Variants in CCDC171 observed in about 807,000 individuals in gnomAD.
CCDC171 encodes the protein coiled-coil domain containing 171.
Under a neutral mutation model 168.2 loss-of-function variants are expected in CCDC171, and 177 were observed. The ratio of observed to expected loss-of-function variants is 1.05; its 90% CI spans 0.93 to 1.19. The LOEUF (loss-of-function observed/expected upper bound fraction) is 1.19. Ranked by LOEUF, CCDC171 falls within the 50% of genes most tolerant of loss-of-function variation. The pLI is 0.00. For synonymous variants in CCDC171, 687 were observed against 540.8 expected (o/e 1.27, Z -3.75); for missense variants, 1,991 against 1,539.0 (o/e 1.29, Z -4.91).
chr9:15,624,414 T>C (rs1291217551), intron 7 of CCDC171, among the ~76,000 whole-genome samples: 1 of 152,148 alleles, frequency 6.6e-6, no homozygotes, highest in African/African-American at 2.4e-5. Context: ...GCTGCACCCA[T>C]TAACTCATCA....
At chr9:15,604,587 T>C (rs1354822036) in intron 6 of CCDC171, among the ~76,000 whole-genome samples, 1 of 152,186 alleles carries the variant, frequency 6.6e-6, no homozygotes, top group Non-Finnish European at 1.5e-5. Context: ...TGGGGGAGTT[T>C]GTGACGGTAT....
the CCDC171 span, among the ~76,000 whole-genome samples, chr9:16,096,453 C>T: frequency 6.6e-6 from 1 of 152,174 alleles, no homozygotes; most frequent in African/African-American, 2.4e-5. Context: ...AGATGTGTGA[C>T]TGCTATGTTC....
intron 4 of CCDC171, among the ~76,000 whole-genome samples, chr9:15,585,730 C>A (rs367994636): frequency 6.6e-6 from 1 of 152,136 alleles, no homozygotes; most frequent in Non-Finnish European, 1.5e-5. Context: ...GTAATCCCAG[C>A]ACTTTGGGAG....
chr9:15,706,489 T>C (rs2052247148), intron 11 of CCDC171, among the ~76,000 whole-genome samples: 1 of 152,098 alleles, frequency 6.6e-6, no homozygotes, highest in African/African-American at 2.4e-5. Flanking sequence ...GATTTCACCA[T>C]GTTGCCCAGG....
At chr9:16,095,897 T>TAC in the CCDC171 span, among the ~76,000 whole-genome samples, 2 of 140,596 alleles carry the variant, frequency 1.4e-5, no homozygotes, top group African/African-American at 2.8e-5. Flanking sequence ...TATATATATA[T>TAC]ATACTGCCTC....
chr9:15,809,772 G>A (rs1477526615), intron 21 of CCDC171, among the ~76,000 whole-genome samples: 2 of 152,202 alleles, frequency 1.3e-5, no homozygotes, highest in African/African-American at 4.8e-5. Flanking sequence ...ATTGCAAAGA[G>A]CGAAAGAACA....
chr9:15,924,396 A>G (rs1009671013), intron 25 of CCDC171, among the ~76,000 whole-genome samples: 1 of 150,866 alleles, frequency 6.6e-6, no homozygotes, highest in Non-Finnish European at 1.5e-5. Flanking sequence ...TGGGCAGTCT[A>G]GTGAGAAGTG....
At chr9:15,864,429 A>G (rs1012823360) in intron 23 of CCDC171, among the ~76,000 whole-genome samples, 1 of 152,020 alleles carries the variant, frequency 6.6e-6, no homozygotes, top group Non-Finnish European at 1.5e-5. Flanking sequence ...CATTTACATT[A>G]GGTATATCTC....
At chr9:15,619,295 C>G (rs2044330588) in intron 6 of CCDC171, among the ~76,000 whole-genome samples, 1 of 152,164 alleles carries the variant, frequency 6.6e-6, no homozygotes, top group Non-Finnish European at 1.5e-5. Context: ...AGGCCAAACG[C>G]TATGTCTTTA....
intron 18 of CCDC171, among the ~76,000 whole-genome samples, chr9:15,774,168 C>T (rs2057168443): frequency 7.0e-6 from 1 of 143,784 alleles, no homozygotes; most frequent in South Asian, 2.2e-4. Flanking sequence ...ATCACTTGAA[C>T]CCAGGTGGCA....
chr9:15,723,756 AG>A lies in CCDC171; in HGVS notation c.1491+11del. The A allele has an allele frequency of 2.2e-6, 3 of 1,338,238 alleles. No individual in the cohort carries two copies. Among genetic ancestry groups the A allele is most frequent in the Non-Finnish European group, 3.2e-6 (3 of 951,022 alleles). 82.9% of individuals were successfully genotyped at this position (1,338,238 alleles called of 1,614,324 possible). ...CACTAAAAATATAAAGGTATTATTT[AG>A]AATAACTTTTACCTTTTGTATTAAG... is the stretch of plus-strand genomic sequence containing the variant. On this transcript the variant is annotated intron_variant, in intron 13 of 25. Transcript: ENST00000380701.
intron 10 of CCDC171, among the ~76,000 whole-genome samples, chr9:15,686,931 C>G (rs956721119): frequency 5.9e-5 from 9 of 152,112 alleles, no homozygotes; most frequent in African/African-American, 2.2e-4. Flanking sequence ...TATAGAACAC[C>G]ACACCCATTA....
At chr9:16,024,959 A>G (rs1350210575) in intron 6 of CCDC171, among the ~76,000 whole-genome samples, 2 of 152,180 alleles carry the variant, frequency 1.3e-5, no homozygotes, top group Non-Finnish European at 2.9e-5. Context: ...ATTCCCAGAC[A>G]TGGGACTTTC....
chr9:15,810,179 C>G (rs1427756262), intron 21 of CCDC171, among the ~76,000 whole-genome samples: 1 of 152,104 alleles, frequency 6.6e-6, no homozygotes, highest in Non-Finnish European at 1.5e-5. Flanking sequence ...CAAAGTTCTC[C>G]AAGTCCCCAC....
chr9:16,100,346 A>G, the CCDC171 span, among the ~76,000 whole-genome samples: 2 of 152,188 alleles, frequency 1.3e-5, no homozygotes, highest in Non-Finnish European at 1.5e-5. Flanking sequence ...GCATAAGCCT[A>G]TCTCCAGCCG....
chr9:15,908,900 G>T (rs1481509883), intron 24 of CCDC171, among the ~76,000 whole-genome samples: 1 of 152,132 alleles, frequency 6.6e-6, no homozygotes, highest in South Asian at 2.1e-4. Flanking sequence ...CTCCCACCAG[G>T]TCCCGCTTCC....
At chr9:15,923,219 A>G (rs1191991439) in intron 25 of CCDC171, among the ~76,000 whole-genome samples, 2 of 151,438 alleles carry the variant, frequency 1.3e-5, no homozygotes, top group East Asian at 1.9e-4. Context: ...TTATCACAGC[A>G]CTGTTCACAA....
At chr9:15,554,942 T>A (rs1304916004) in intron 1 of CCDC171, among the ~76,000 whole-genome samples, 2 of 152,180 alleles carry the variant, frequency 1.3e-5, no homozygotes, top group African/African-American at 2.4e-5. Flanking sequence ...AGTAAGTGGC[T>A]CAATAATAGG....
chr9:15,960,090 C>T (rs1170254846), intron 25 of CCDC171, among the ~76,000 whole-genome samples: 1 of 152,102 alleles, frequency 6.6e-6, no homozygotes, highest in East Asian at 1.9e-4. Context: ...AGGGAAGGAC[C>T]AGGGTAACTT....
Sources: allele counts gnomAD v4.1 joint callset (sites outside exome capture counted in the v4.1 genomes callset), GRCh38; gene constraint gnomAD v4.1.1; transcripts MANE v1.5; gene names NCBI Gene and HGNC (gene_info 2026-07-23, HGNC 2026-07-21).